Variants in ENOX1 observed in about 807,000 individuals in gnomAD.
The protein encoded by ENOX1 is ecto-NOX disulfide-thiol exchanger 1, also known as candidate growth-related and time keeping constitutive hydroquinone (NADH) oxidase.
ENOX1 carries 42 observed loss-of-function variants against 82.5 expected under a neutral mutation model. The ratio of observed to expected loss-of-function variants is 0.51; its 90% CI spans 0.40 to 0.66. The LOEUF (loss-of-function observed/expected upper bound fraction) is 0.66. Among genes scored for constraint, ENOX1 ranks in the 30% least tolerant of loss-of-function variants. ENOX1 has a pLI of 0.00. For synonymous variants in ENOX1, 271 were observed against 282.2 expected, an observed-to-expected ratio of 0.96 and a Z score of 0.40; for missense variants, 608 against 811.6, an observed-to-expected ratio of 0.75 and a Z score of 3.05.
intron 7 of ENOX1, among the ~76,000 whole-genome samples, chr13:43,359,191 G>A (rs560374847): frequency 2.6e-4 from 40 of 152,298 alleles, no homozygotes; most frequent in Non-Finnish European, 4.6e-4. Flanking sequence ...GTGAGGGAAG[G>A]GCAGTGAGTT....
chr13:43,584,780 C>T (rs2080901981), intron 2 of ENOX1, among the ~76,000 whole-genome samples: 1 of 152,152 alleles, frequency 6.6e-6, no homozygotes, highest in African/African-American at 2.4e-5. Flanking sequence ...CTAGTAGTGA[C>T]TTTTGATTTC....
chr13:43,690,797 G>C (rs2086321759), intron 1 of ENOX1, among the ~76,000 whole-genome samples: 1 of 152,112 alleles, frequency 6.6e-6, no homozygotes, highest in African/African-American at 2.4e-5. Flanking sequence ...AATTTAGCTG[G>C]TGATGCAGAT....
intron 15 of ENOX1, among the ~76,000 whole-genome samples, chr13:43,230,618 G>C (rs1158477370): frequency 6.6e-6 from 1 of 151,922 alleles, no homozygotes; most frequent in African/African-American, 2.4e-5. Context: ...GCAGTATGAG[G>C]GCTTACACAC....
intron 14 of ENOX1, among the ~76,000 whole-genome samples, chr13:43,252,775 GT>G (rs1160546712): frequency 8.5e-5 from 13 of 152,224 alleles, no homozygotes; most frequent in Admixed American, 7.2e-4. Flanking sequence ...AGGATGTCAG[GT>G]CCCCCTGGGC....
At chr13:43,580,452 G>A (rs190049244) in intron 2 of ENOX1, among the ~76,000 whole-genome samples, 2 of 152,160 alleles carry the variant, frequency 1.3e-5, no homozygotes, top group South Asian at 2.1e-4. Context: ...TTCAAGTGCC[G>A]ACCAGAATAG....
intron 8 of ENOX1, among the ~76,000 whole-genome samples, chr13:43,345,590 C>T (rs930024671): frequency 6.6e-6 from 1 of 152,042 alleles, no homozygotes; most frequent in Admixed American, 6.6e-5. Flanking sequence ...TGTTGTATGG[C>T]TTGGAGGTGG....
chr13:43,223,976 A>G, intron 16 of ENOX1, 77 bp downstream of exon 16: 1 of 1,092,708 alleles, frequency 9.2e-7, no homozygotes, highest in Non-Finnish European at 1.4e-6. Context: ...AGTTCAGTTC[A>G]TGCAGAGTCC....
At chr13:43,249,085 G>A (rs1036807355) in intron 14 of ENOX1, among the ~76,000 whole-genome samples, 1 of 151,884 alleles carries the variant, frequency 6.6e-6, no homozygotes, top group African/African-American at 2.4e-5. Flanking sequence ...CTTAAATTGT[G>A]GTCTCAAGCT....
chr13:43,529,016 G>A (rs924320058), intron 2 of ENOX1, among the ~76,000 whole-genome samples: 1 of 151,906 alleles, frequency 6.6e-6, no homozygotes, highest in East Asian at 1.9e-4. Flanking sequence ...GCTAATATAC[G>A]TTAAACGTTT....
intron 3 of ENOX1, among the ~76,000 whole-genome samples, chr13:43,423,686 C>G (rs1262665317): frequency 6.6e-6 from 1 of 152,190 alleles, no homozygotes; most frequent in Non-Finnish European, 1.5e-5. Flanking sequence ...AACCCTACCT[C>G]TGCAGTGATA....
At position 43,275,737 on chromosome 13, in the gene ENOX1, T is replaced by G. The variant is rs372736394; in HGVS notation, c.1447-6160A>C. On this transcript the variant is annotated intron_variant, in intron 12 of 16. Transcript: ENST00000690772. ...TGAGCTCCTGCTGTGTGCATGGTACTGGGCTGGGCAATGTGAAAGATACAG... is the reference window on the plus strand; with the variant it reads ...TGAGCTCCTGCTGTGTGCATGGTACGGGGCTGGGCAATGTGAAAGATACAG... Among the ~76,000 whole-genome samples the G allele has an allele frequency of 2.0e-5, 3 of 152,348 alleles. No homozygotes were observed. The East Asian group carries it at 5.8e-4, about 29-fold the overall frequency.
At chr13:43,750,889 T>C (rs1214202673) in intron 1 of ENOX1, among the ~76,000 whole-genome samples, 1 of 152,206 alleles carries the variant, frequency 6.6e-6, no homozygotes, top group East Asian at 1.9e-4. Flanking sequence ...CCTTAATCAC[T>C]GTAGTTTAGC....
chr13:43,238,048 G>T (rs1272201811), intron 14 of ENOX1, among the ~76,000 whole-genome samples: 1 of 152,208 alleles, frequency 6.6e-6, no homozygotes, highest in South Asian at 2.1e-4. Context: ...GTAAAGAATT[G>T]AGAAAATCAC....
At chr13:43,507,422 A>G (rs2077213909) in intron 2 of ENOX1, among the ~76,000 whole-genome samples, 1 of 152,060 alleles carries the variant, frequency 6.6e-6, no homozygotes. Context: ...TGAGGAGGAA[A>G]AAATTAGTAA....
At chr13:43,546,899 G>C (rs2078996374) in intron 2 of ENOX1, 1 of 152,188 alleles carries the variant, frequency 6.6e-6, no homozygotes, top group African/African-American at 2.4e-5. Context: ...GCCAAGTCCT[G>C]TTCATTGTCA....
chr13:43,334,412 T>G (rs2153536654), intron 9 of ENOX1, among the ~76,000 whole-genome samples: 1 of 152,280 alleles, frequency 6.6e-6, no homozygotes, highest in South Asian at 2.1e-4. Flanking sequence ...GTGCTAGACT[T>G]TGTACTACAC....
intron 1 of ENOX1, among the ~76,000 whole-genome samples, chr13:43,683,180 T>C (rs909866941): frequency 2.6e-5 from 4 of 152,170 alleles, no homozygotes; most frequent in African/African-American, 9.6e-5. Flanking sequence ...TTTGAGGTTC[T>C]GGCACTTGTC....
intron 2 of ENOX1, among the ~76,000 whole-genome samples, chr13:43,616,138 CTAGATATCTATATAGATAGA>C (rs2082428471): frequency 4.6e-5 from 1 of 21,636 alleles, no homozygotes; most frequent in African/African-American, 9.8e-5. Context: ...ATCTATCTAT[CTAGATATCTATATAGATAGA>C]TATCTATCTA....
intron 5 of ENOX1, among the ~76,000 whole-genome samples, chr13:43,380,350 T>C (rs1448308808): frequency 6.6e-6 from 1 of 151,828 alleles, no homozygotes; most frequent in African/African-American, 2.4e-5. Flanking sequence ...TCTGGGTTTA[T>C]GATATATATA....
Sources: gnomAD v4.1 joint callset for allele counts (sites outside exome capture counted in the v4.1 genomes callset) on GRCh38, gnomAD v4.1.1 for gene constraint, MANE v1.5 for transcripts, NCBI Gene and HGNC (gene_info 2026-07-23, HGNC 2026-07-21) for gene names.